RALGAPB: variants seen among roughly 807,000 people sequenced by gnomAD.
RALGAPB encodes ral GTPase-activating protein subunit beta.
Under a neutral mutation model 161.1 loss-of-function variants are expected in RALGAPB, and 25 were observed. The observed-to-expected ratio is 0.16, with a 90% CI of 0.11 to 0.22. The LOEUF is 0.22. Ranked by LOEUF, RALGAPB falls within the 10% of genes least tolerant of loss-of-function variation. The pLI, the probability that RALGAPB is intolerant of heterozygous loss-of-function variation, is 1.00. For missense variants in RALGAPB, 1,391 were observed against 1,815.2 expected, an observed-to-expected ratio of 0.77 and a Z score of 4.25; for synonymous variants, 629 against 626.1, an observed-to-expected ratio of 1.00 and a Z score of -0.07.
At position 38,481,960 on chromosome 20, in the gene RALGAPB, A is replaced by C. The variant is rs540488833; in HGVS notation, c.-30-6443A>C. Among the ~76,000 whole-genome samples, 5 of 152,248 alleles carry C rather than the reference A, an allele frequency of 3.3e-5. No homozygotes were observed. In the South Asian group the frequency reaches 1.0e-3, roughly 32 times the overall value. ...ACATTTCTACCACTAAGTTAAAACT[A>C]CAGTTGACTCTCGTACATCATAAGG... On this transcript the variant is annotated intron_variant, in intron 1 of 29. Transcript: ENST00000262879.
In RALGAPB at chr20:38,578,622, A is replaced by AT. The variant is rs2088520821; in HGVS notation, c.*3661dup. The AT allele has an allele frequency of 6.6e-6, 1 of 152,556 alleles. No individual in the cohort carries two copies. The allele number at this position is 152,556 out of a possible 1,614,324, so 9.5% of individuals were successfully genotyped here. On this transcript the variant is annotated 3_prime_UTR_variant, in exon 30 of 30. Transcript: ENST00000262879. ...AATTTCAGTATGTTGCCAAGACATG[A>AT]TTTTTTCTTATTGTATTTTCTGTAA...
In RALGAPB at chr20:38,517,499, T is replaced by G. The variant is rs768499913; in HGVS notation, c.1052-7T>G. 1.3e-5 allele frequency: 20 copies of G among 1,546,168 alleles called. No individual in the cohort carries two copies. The highest frequency in any genetic ancestry group is 1.7e-5 in the Non-Finnish European group (19 of 1,151,130). Reference sequence around the variant, plus strand: ...ATAATTTCATTTGTCTTTTTTTTTTTTTTAAGGTATTTCTAGACCCCGATC... The same window carrying G: ...ATAATTTCATTTGTCTTTTTTTTTTGTTTAAGGTATTTCTAGACCCCGATC... On this transcript the variant is annotated splice_polypyrimidine_tract_variant and splice_region_variant and intron_variant, in intron 7 of 29. Coordinates refer to ENST00000262879, the MANE Select transcript of RALGAPB (RefSeq NM_020336.4).
rs369355563 is a variant in RALGAPB at position 38,525,532 on chromosome 20, A to C, written c.1902+14A>C. On this transcript the variant is annotated intron_variant, in intron 12 of 29. Coordinates refer to ENST00000262879, the MANE Select transcript of RALGAPB (RefSeq NM_020336.4). ...GTCAAATCTGAGGTAATGTTTTGTT[A>C]AAGTTTTTTTATATCCTATATTCTG... 31 of 1,553,906 alleles carry C rather than the reference A, an allele frequency of 2.0e-5. No homozygotes were observed. In the African/African-American group the frequency reaches 3.0e-4, roughly 15 times the overall value.
intron 18 of RALGAPB, 75 bp downstream of exon 18, chr20:38,541,267 C>T: frequency 2.1e-6 from 3 of 1,420,376 alleles, no homozygotes; most frequent in Non-Finnish European, 2.9e-6. Flanking sequence ...GTTTCATTTC[C>T]TTCCTGATTG....
chr20:38,522,240 A>T (rs182001849), intron 10 of RALGAPB, among the ~76,000 whole-genome samples: 36 of 152,362 alleles, frequency 2.4e-4, no homozygotes, highest in Admixed American at 1.8e-3. Context: ...CTTATAAAGG[A>T]TGAGTAGCAT....
At chr20:38,560,786 T>G (rs2087760083) in intron 23 of RALGAPB, among the ~76,000 whole-genome samples, 1 of 152,226 alleles carries the variant, frequency 6.6e-6, no homozygotes, top group African/African-American at 2.4e-5. Context: ...TTGGAATGTC[T>G]AAGACCTGCC....
At chr20:38,488,138 A>T (rs981005133) in intron 1 of RALGAPB, among the ~76,000 whole-genome samples, 3 of 152,246 alleles carry the variant, frequency 2.0e-5, no homozygotes, top group Non-Finnish European at 4.4e-5. Context: ...TTTCACAGAA[A>T]CATTGCTTGC....
rs1413384808 is a variant in RALGAPB, at chr20:38,576,833, A to T, written c.*1866A>T. On this transcript the variant is annotated 3_prime_UTR_variant, in exon 30 of 30. Transcript: ENST00000262879. ...AAGGCTATAAATTAATATGTAACTT[A>T]CAGCATTCCAGAGGTTAAAAATAAC... The T allele has an allele frequency of 6.6e-6, 1 of 152,348 alleles. No individual in the cohort carries two copies. Among genetic ancestry groups the T allele is most frequent in the Non-Finnish European group, 1.5e-5 (1 of 68,030 alleles). 9.4% of individuals were successfully genotyped at this position (152,348 alleles called of 1,614,324 possible).
At chr20:38,525,341 T>C in intron 11 of RALGAPB, 63 bp from the exon 12 acceptor site, 1 of 1,106,678 alleles carries the variant, frequency 9.0e-7, no homozygotes, top group Non-Finnish European at 1.4e-6. Context: ...ATTATATGTA[T>C]TTGGCAGTAG....
At chr20:38,569,717 G>C (rs981546416) in intron 26 of RALGAPB, 171 bp from the exon 27 acceptor site, 18 of 571,442 alleles carry the variant, frequency 3.1e-5, no homozygotes, top group African/African-American at 3.0e-4. Flanking sequence ...ATGAACAGGA[G>C]CCAAAGAAGA....
chr20:38,563,674 T>C (rs1443247745), intron 24 of RALGAPB, among the ~76,000 whole-genome samples: 1 of 152,228 alleles, frequency 6.6e-6, no homozygotes, highest in Non-Finnish European at 1.5e-5. Flanking sequence ...TTGATAAATA[T>C]ATCAGTTGGA....
At chr20:38,540,695 G>T (rs1054545015) in intron 17 of RALGAPB, among the ~76,000 whole-genome samples, 6 of 152,028 alleles carry the variant, frequency 3.9e-5, no homozygotes, top group Non-Finnish European at 7.4e-5. Flanking sequence ...GATGGTGTCT[G>T]TCTCTCTGTG....
rs539410497 is a variant in RALGAPB at position 38,474,142 on chromosome 20, A to G, written c.-31+1073A>G. 2.6e-5 allele frequency among the ~76,000 whole-genome samples: 4 copies of G among 152,354 alleles called. No homozygotes were observed. The East Asian group carries it at 5.8e-4, about 22-fold the overall frequency. The stretch of plus-strand genomic sequence containing the variant: ...TCGTTTGCAATTTTCCTAAATATAC[A>G]GTACTTATAGGTGTAGCGTCTGTAA... On this transcript the variant is annotated intron_variant, in intron 1 of 29. Transcript: ENST00000262879.
chr20:38,564,451 A>C (rs1396659784), intron 24 of RALGAPB, among the ~76,000 whole-genome samples: 1 of 152,190 alleles, frequency 6.6e-6, no homozygotes, highest in Non-Finnish European at 1.5e-5. Flanking sequence ...GGTATCTTCC[A>C]ATTTTTTCGG....
chr20:38,493,152 C>G lies in RALGAPB; in HGVS notation c.389+20C>G. On this transcript the variant is annotated intron_variant, in intron 3 of 29. Transcript: ENST00000262879. ...ACCAAGGTAAGCTATACCTGTCTATCTGGCCCATTATCAGGGTCATAGTAA... is the reference window on the plus strand; with the variant it reads ...ACCAAGGTAAGCTATACCTGTCTATGTGGCCCATTATCAGGGTCATAGTAA... The G allele has an allele frequency of 1.3e-6, 2 of 1,552,476 alleles. No homozygotes were observed. The highest frequency in any genetic ancestry group is 1.8e-6 in the Non-Finnish European group (2 of 1,128,918).
At chr20:38,563,445 G>T (rs532667108) in intron 24 of RALGAPB, among the ~76,000 whole-genome samples, 52 of 152,322 alleles carry the variant, frequency 3.4e-4, no homozygotes, top group Non-Finnish European at 2.9e-4. Context: ...AACCTTTGTA[G>T]TAAACAGCTG....
At chr20:38,531,066 A>C in intron 13 of RALGAPB, 101 bp from the exon 14 acceptor site, 1 of 1,084,740 alleles carries the variant, frequency 9.2e-7, no homozygotes, top group South Asian at 1.4e-5. Flanking sequence ...ATGCTCAACC[A>C]AAATTATATT....
At chr20:38,558,198 A>C in intron 22 of RALGAPB, 97 bp from the exon 23 acceptor site, 1 of 1,094,026 alleles carries the variant, frequency 9.1e-7, no homozygotes, top group Non-Finnish European at 1.2e-6. Context: ...ATATTTTTTA[A>C]TTTTATTTTT....
intron 17 of RALGAPB, among the ~76,000 whole-genome samples, 182 bp from the exon 18 acceptor site, chr20:38,540,859 G>C (rs2086942219): frequency 6.6e-6 from 1 of 152,034 alleles, no homozygotes; most frequent in Non-Finnish European, 1.5e-5. Flanking sequence ...ATGAGAAATT[G>C]GGGGGAGGGG....
Sources: gnomAD v4.1 joint callset for allele counts (sites outside exome capture counted in the v4.1 genomes callset) on GRCh38, gnomAD v4.1.1 for gene constraint, MANE v1.5 for transcripts, NCBI Gene and HGNC (gene_info 2026-07-23, HGNC 2026-07-21) for gene names.